The following INO80 variants were observed in gnomAD, a reference collection of about 807,000 sequenced individuals.
The protein encoded by INO80 is chromatin-remodeling ATPase INO80.
A neutral mutation model predicts 203.4 loss-of-function variants in INO80; 20 were observed. The observed-to-expected ratio is 0.10, with a 90% CI of 0.07 to 0.14. INO80 has a LOEUF of 0.14. INO80 is among the 10% of genes least tolerant of loss of function. The pLI is 1.00. For missense variants in INO80, 1,419 were observed against 1,914.4 expected (o/e 0.74, Z 4.83); for synonymous variants, 726 against 685.2 (o/e 1.06, Z -0.93).
chr15:41,058,167 G>C (rs2140553361), intron 16 of INO80, among the ~76,000 whole-genome samples: 1 of 152,254 alleles, frequency 6.6e-6, no homozygotes, highest in South Asian at 2.1e-4. Flanking sequence ...AGCAAGGGCA[G>C]AGACTCCTTC....
chr15:41,005,567 A>G (rs1410707717), intron 28 of INO80, 26 bp downstream of exon 28: 1 of 1,307,132 alleles, frequency 7.7e-7, no homozygotes, highest in Non-Finnish European at 1.1e-6. Flanking sequence ...TAAAAAGATA[A>G]TTTTTGTAAT....
intron 32 of INO80, 49 bp downstream of exon 32, chr15:40,985,289 G>A (rs779765427): frequency 8.7e-6 from 12 of 1,377,620 alleles, no homozygotes; most frequent in Non-Finnish European, 1.2e-5. Flanking sequence ...TTTTTGGTAA[G>A]TACCCCAGGC....
At position 40,980,356 on chromosome 15, in the gene INO80, G is replaced by A. The variant is rs1893775273; in HGVS notation, c.4538C>T (p.Pro1513Leu). 11 of 1,614,064 alleles carry A rather than the reference G, an allele frequency of 6.8e-6. No individual in the cohort carries two copies. The highest frequency in any genetic ancestry group is 9.3e-6 in the Non-Finnish European group (11 of 1,180,026). ...ADFGPSSASS[P>L]LSSPLSKGNN... ...TCCCTTGCTCAAAGGGGAACTCAAAGGAGAAGAGGCGCTTGAAGGTCCAAA... is the reference window on the plus strand; with the variant it reads ...TCCCTTGCTCAAAGGGGAACTCAAAAGAGAAGAGGCGCTTGAAGGTCCAAA... Residue 1513 changes from proline (P) to leucine (L), a missense_variant, in exon 36 of 36, where the codon CCT becomes CTT. Around this residue, in one of 9 missense-constraint regions of INO80, gnomAD observed 112 missense variants for 106.2 expected, o/e 1.05. Transcript: ENST00000648947.
intron 26 of INO80, chr15:41,018,656 T>G (rs558286519): frequency 2.5e-4 from 38 of 152,356 alleles, no homozygotes; most frequent in African/African-American, 9.1e-4. Flanking sequence ...CAGTCTCTAG[T>G]ATTTGTCCTT....
chr15:41,005,959 TA>T lies in INO80; in HGVS notation c.3403-273del, dbSNP rs55706828. The stretch of plus-strand genomic sequence containing the variant: ...TCCTGTAAATTCCTGTAGGTTTCAT[TA>T]AAAAAAAAAAAAAAAAAAATTCCAC... On this transcript the variant is annotated intron_variant, in intron 27 of 35. Coordinates refer to ENST00000648947, the MANE Select transcript of INO80 (RefSeq NM_017553.3). Among the ~76,000 whole-genome samples, 126 of 131,408 alleles carry T rather than the reference TA, an allele frequency of 9.6e-4. 1 individual carries two copies. The highest frequency in any genetic ancestry group is 3.3e-3 in the African/African-American group (114 of 34,988). 86.2% of individuals were successfully genotyped at this position (131,408 alleles called of 152,430 possible). A position where few individuals can be genotyped will look rare whatever the true frequency, so the allele number is the denominator to read the frequency against.
intron 16 of INO80, among the ~76,000 whole-genome samples, chr15:41,057,461 CAAAA>C (rs34940669): frequency 3.4e-5 from 4 of 117,872 alleles, no homozygotes; most frequent in Admixed American, 8.9e-5. Flanking sequence ...TCCCCTGTCT[CAAAA>C]AAAAAAAAAA....
At chr15:41,008,153 C>A (rs1028487113) in intron 27 of INO80, among the ~76,000 whole-genome samples, 1 of 151,488 alleles carries the variant, frequency 6.6e-6, no homozygotes, top group African/African-American at 2.4e-5. Flanking sequence ...GCAGCCTGGG[C>A]AACAGGGTGA....
intron 9 of INO80, among the ~76,000 whole-genome samples, chr15:41,077,544 A>T (rs1254034070): frequency 6.6e-6 from 1 of 152,172 alleles, no homozygotes; most frequent in African/African-American, 2.4e-5. Context: ...TTTCAAACCT[A>T]AAGTGCTATC....
intron 16 of INO80, among the ~76,000 whole-genome samples, chr15:41,057,797 C>CAAAAAAAAAAAAAAAAAA (rs35197370): frequency 9.2e-4 from 27 of 29,248 alleles, no homozygotes; most frequent in Non-Finnish European, 1.4e-3. Context: ...AACTACATCT[C>CAAAAAAAAAAAAAAAAAA]AAAAAAAAAA....
At chr15:41,030,967 G>A (rs1277161384) in intron 24 of INO80, among the ~76,000 whole-genome samples, 1 of 152,184 alleles carries the variant, frequency 6.6e-6, no homozygotes, top group African/African-American at 2.4e-5. Flanking sequence ...ACTGTGCCTG[G>A]CTCATTCACT....
At chr15:41,053,660 C>G (rs2140540011) in intron 19 of INO80, among the ~76,000 whole-genome samples, 1 of 152,236 alleles carries the variant, frequency 6.6e-6, no homozygotes, top group East Asian at 1.9e-4. Context: ...TGATTATTGT[C>G]ACGGAACAAT....
intron 29 of INO80, among the ~76,000 whole-genome samples, chr15:40,996,865 CA>C (rs1434852164): frequency 6.6e-6 from 1 of 152,182 alleles, no homozygotes; most frequent in Non-Finnish European, 1.5e-5. Flanking sequence ...GCTCCTAAAA[CA>C]AATCTGGATG....
chr15:41,085,609 T>A (rs372713301), intron 6 of INO80, 26 bp from the exon 7 acceptor site: 2 of 1,594,004 alleles, frequency 1.3e-6, no homozygotes, highest in Non-Finnish European at 1.7e-6. Context: ...ATGCAACAGG[T>A]TGCACTTCCA....
intron 7 of INO80, among the ~76,000 whole-genome samples, chr15:41,082,668 T>C (rs1333031178): frequency 6.6e-6 from 1 of 151,072 alleles, no homozygotes; most frequent in Admixed American, 6.6e-5. Context: ...CATGCCATTG[T>C]ACTCCAACCT....
In INO80 at chr15:40,985,738, C is replaced by T. The variant is rs145590834; in HGVS notation, c.3833-312G>A. 1.3e-4 allele frequency among the ~76,000 whole-genome samples: 20 copies of T among 152,126 alleles called. 1 individual carries two copies. The highest frequency in any genetic ancestry group is 4.6e-4 in the African/African-American group (19 of 41,484). On this transcript the variant is annotated intron_variant, in intron 31 of 35. Transcript: ENST00000648947. ...CAGCCGGGCCAACATAGTGAAACCC[C>T]ATCTCTATAAAAATACAAAAATTAG...
chr15:41,107,886 G>A (rs547779747), intron 1 of INO80, among the ~76,000 whole-genome samples: 2 of 151,964 alleles, frequency 1.3e-5, no homozygotes, highest in South Asian at 4.2e-4. Context: ...TGGATCACGA[G>A]GTCAGAAGTT....
At position 41,070,476 on chromosome 15, in the gene INO80, A is replaced by G; in HGVS notation, c.1677T>C (p.His559=). 6 of 1,613,752 alleles carry G rather than the reference A, an allele frequency of 3.7e-6. No individual in the cohort carries two copies. Among genetic ancestry groups the G allele is most frequent in the Non-Finnish European group, 5.1e-6 (6 of 1,179,622 alleles). ...KTVQSIALLA[H]LAERENIWGP... ...GATTGCATCTACCCACCTCAGCCAG[A>G]TGGGCCAGAAGGGCAATGCTCTGTA... Residue 559 remains histidine (H), a synonymous_variant, in exon 13 of 36, where the codon CAT becomes CAC. Transcript: ENST00000648947.
At chr15:41,113,394 G>C (rs1186056162) in intron 1 of INO80, among the ~76,000 whole-genome samples, 2 of 152,078 alleles carry the variant, frequency 1.3e-5, no homozygotes, top group African/African-American at 2.4e-5. Flanking sequence ...AGCCTCCTGA[G>C]TAGCTGGGAT....
chr15:41,102,327 T>C (rs2045821888), intron 1 of INO80, among the ~76,000 whole-genome samples: 1 of 152,226 alleles, frequency 6.6e-6, no homozygotes, highest in African/African-American at 2.4e-5. Flanking sequence ...ATCATACTGC[T>C]TTTTAAAATT....
Sources: gnomAD v4.1 joint callset for allele counts (sites outside exome capture counted in the v4.1 genomes callset) on GRCh38, gnomAD v4.1.1 for gene constraint, gnomAD v4.1.1 regional missense constraint, MANE v1.5 for transcripts, NCBI Gene and HGNC (gene_info 2026-07-23, HGNC 2026-07-21) for gene names.